CADPS2: variants seen among roughly 807,000 people sequenced by gnomAD.
The protein encoded by CADPS2 is calcium dependent secretion activator 2.
CADPS2 carries 93 observed loss-of-function variants against 172.5 expected under a neutral mutation model. The ratio of observed to expected loss-of-function variants is 0.54; its 90% CI spans 0.46 to 0.64. The LOEUF (loss-of-function observed/expected upper bound fraction) is 0.64. Ranked by LOEUF, CADPS2 falls within the 30% of genes least tolerant of loss-of-function variation. The probability of loss-of-function intolerance (pLI) is 0.00; values close to 1 mark genes in which losing one functional copy is unlikely to be tolerated. For synonymous variants in CADPS2, 546 were observed against 555.2 expected (o/e 0.98, Z 0.23); for missense variants, 1,420 against 1,565.9 (o/e 0.91, Z 1.57).
intron 9 of CADPS2, among the ~76,000 whole-genome samples, chr7:122,510,541 G>C (rs1054933716): frequency 1.3e-5 from 2 of 152,090 alleles, no homozygotes; most frequent in Admixed American, 6.6e-5. Flanking sequence ...TTTTTATGAG[G>C]ACAAATTCTT....
intron 1 of CADPS2, among the ~76,000 whole-genome samples, chr7:122,839,279 C>G (rs1365745289): frequency 6.6e-6 from 1 of 152,052 alleles, no homozygotes; most frequent in African/African-American, 2.4e-5. Context: ...AAAATTAATT[C>G]AAGATGGATT....
intron 17 of CADPS2, among the ~76,000 whole-genome samples, chr7:122,434,738 C>T (rs1339213446): frequency 1.3e-5 from 2 of 152,188 alleles, no homozygotes; most frequent in East Asian, 1.9e-4. Flanking sequence ...AGCGACTCAG[C>T]GAACTCTTTC....
intron 1 of CADPS2, among the ~76,000 whole-genome samples, chr7:122,787,966 G>C (rs965980302): frequency 6.6e-6 from 1 of 152,182 alleles, no homozygotes; most frequent in Non-Finnish European, 1.5e-5. Context: ...AGGAAAGGAA[G>C]ATCCTGACAA....
At chr7:122,496,880 T>C (rs552680315) in intron 9 of CADPS2, among the ~76,000 whole-genome samples, 2 of 152,190 alleles carry the variant, frequency 1.3e-5, no homozygotes, top group South Asian at 2.1e-4. Context: ...TCTGATATTC[T>C]TTTCTGATGT....
At chr7:122,480,282 AAGTT>A (rs1180384413) in intron 12 of CADPS2, among the ~76,000 whole-genome samples, 1 of 145,390 alleles carries the variant, frequency 6.9e-6, no homozygotes, top group African/African-American at 2.5e-5. Flanking sequence ...GTCTTCCAGT[AAGTT>A]AGATTTTATA....
intron 6 of CADPS2, among the ~76,000 whole-genome samples, chr7:122,601,851 T>A (rs750162503): frequency 4.9e-4 from 75 of 152,124 alleles, no homozygotes; most frequent in Non-Finnish European, 8.1e-4. Flanking sequence ...GGACAATAGC[T>A]CTCATGCTGC....
chr7:122,336,671 T>C (rs1416205929), intron 28 of CADPS2, among the ~76,000 whole-genome samples: 3 of 152,264 alleles, frequency 2.0e-5, no homozygotes, highest in Non-Finnish European at 4.4e-5. Context: ...TAAGCCTTTG[T>C]TACTGGCTCA....
chr7:122,717,976 AATT>A (rs1339808079), intron 2 of CADPS2, among the ~76,000 whole-genome samples: 95 of 105,204 alleles, frequency 9.0e-4, no homozygotes, highest in African/African-American at 3.2e-3. Context: ...ACACTCGGCT[AATT>A]TTTTTTTTTT....
intron 1 of CADPS2, among the ~76,000 whole-genome samples, chr7:122,797,073 T>C (rs1024442899): frequency 6.6e-6 from 1 of 151,776 alleles, no homozygotes; most frequent in East Asian, 1.9e-4. Flanking sequence ...AAAGAAGATA[T>C]ACATGTGGAT....
At chr7:122,869,377 C>A (rs1819148160) in intron 1 of CADPS2, among the ~76,000 whole-genome samples, 1 of 152,042 alleles carries the variant, frequency 6.6e-6, no homozygotes, top group Non-Finnish European at 1.5e-5. Context: ...ACACTACTAG[C>A]AGATTTTTCC....
chr7:122,809,088 C>G (rs1317869400), intron 1 of CADPS2, among the ~76,000 whole-genome samples: 1 of 152,066 alleles, frequency 6.6e-6, no homozygotes, highest in African/African-American at 2.4e-5. Context: ...ACTCATTATG[C>G]TTCATATCTG....
At chr7:122,403,813 T>C (rs2046267800) in intron 20 of CADPS2, among the ~76,000 whole-genome samples, 1 of 152,112 alleles carries the variant, frequency 6.6e-6, no homozygotes, top group African/African-American at 2.4e-5. Flanking sequence ...GAATATTCCA[T>C]TGTAGATGAA....
intron 8 of CADPS2, among the ~76,000 whole-genome samples, chr7:122,524,556 G>T (rs1342842272): frequency 6.6e-6 from 1 of 152,124 alleles, no homozygotes; most frequent in African/African-American, 2.4e-5. Flanking sequence ...ACAAAACTAA[G>T]CAAGTTCTGT....
At chr7:122,697,880 C>G in intron 2 of CADPS2, 1 of 1,613,382 alleles carries the variant, frequency 6.2e-7, no homozygotes, top group Non-Finnish European at 8.5e-7. Flanking sequence ...ATTACTTTAT[C>G]TGAGGTTCCT....
At chr7:122,364,630 G>T (rs1241718959) in intron 25 of CADPS2, among the ~76,000 whole-genome samples, 1 of 151,710 alleles carries the variant, frequency 6.6e-6, no homozygotes, top group Non-Finnish European at 1.5e-5. Flanking sequence ...AGGAGACTGA[G>T]GCAGGAGAAT....
At chr7:122,472,889 C>T (rs373648936) in intron 13 of CADPS2, among the ~76,000 whole-genome samples, 7 of 152,012 alleles carry the variant, frequency 4.6e-5, no homozygotes, top group African/African-American at 1.4e-4. Flanking sequence ...TGAAGTATCC[C>T]CATTTTGATT....
chr7:122,750,697 A>C (rs2092915731), intron 1 of CADPS2, among the ~76,000 whole-genome samples: 1 of 152,186 alleles, frequency 6.6e-6, no homozygotes, highest in Admixed American at 6.6e-5. Context: ...AAGAAGAACA[A>C]GTGAACAAAT....
At chr7:122,434,759 C>A (rs997237612) in intron 17 of CADPS2, among the ~76,000 whole-genome samples, 1 of 152,246 alleles carries the variant, frequency 6.6e-6, no homozygotes, top group African/African-American at 2.4e-5. Flanking sequence ...CTAGCAATTT[C>A]CTGATGGGAT....
intron 25 of CADPS2, among the ~76,000 whole-genome samples, chr7:122,370,200 C>G (rs1435999499): frequency 6.6e-6 from 1 of 152,128 alleles, no homozygotes; most frequent in East Asian, 1.9e-4. Flanking sequence ...CTACATGACA[C>G]ATTTGTATGG....
Sources: gnomAD v4.1 joint callset for allele counts (sites outside exome capture counted in the v4.1 genomes callset) on GRCh38, gnomAD v4.1.1 for gene constraint, MANE v1.5 for transcripts, NCBI Gene and HGNC (gene_info 2026-07-23, HGNC 2026-07-21) for gene names.